C16orf96: variants seen among roughly 807,000 people sequenced by gnomAD.
C16orf96 encodes the protein uncharacterized protein C16orf96.
Under a neutral mutation model 103.6 loss-of-function variants are expected in C16orf96, and 108 were observed. The observed-to-expected ratio is 1.04, with a 90% CI of 0.89 to 1.22. The LOEUF (loss-of-function observed/expected upper bound fraction) is 1.22. Ranked by LOEUF, C16orf96 falls within the 50% of genes most tolerant of loss-of-function variation. The probability of loss-of-function intolerance (pLI) is 0.00; values close to 1 mark genes in which losing one functional copy is unlikely to be tolerated. For synonymous variants in C16orf96, 566 were observed against 593.5 expected, an observed-to-expected ratio of 0.95 and a Z score of 0.67; for missense variants, 1,586 against 1,464.2, an observed-to-expected ratio of 1.08 and a Z score of -1.36.
intron 6 of C16orf96, among the ~76,000 whole-genome samples, chr16:4,579,636 G>A (rs904044947): frequency 2.1e-5 from 3 of 141,348 alleles, no homozygotes; most frequent in Non-Finnish European, 3.0e-5. Context: ...TTTTGAGACG[G>A]AATCTTGCTC....
chr16:4,582,504 C>T (rs557792626), intron 7 of C16orf96, among the ~76,000 whole-genome samples: 19 of 152,162 alleles, frequency 1.2e-4, no homozygotes, highest in African/African-American at 2.2e-4. Flanking sequence ...TGGAAAATAA[C>T]TCATTAAAGG....
chr16:4,595,013 G>T lies in C16orf96; in HGVS notation c.3127+210G>T, dbSNP rs111392673. ...GAGACCGCGGGAGCGAGGATCTGCT[G>T]TTCCCGAGATCAACAGCTGACCAGA... is the stretch of plus-strand genomic sequence containing the variant. On this transcript the variant is annotated intron_variant, in intron 14 of 15. Coordinates refer to ENST00000444310, the MANE Select transcript of C16orf96 (RefSeq NM_001145011.2). Among the ~76,000 whole-genome samples the T allele has an allele frequency of 8.5e-3, 1,292 of 152,330 alleles. 14 individuals carry two copies. Among genetic ancestry groups the T allele is most frequent in the Admixed American group, 0.017 (263 of 15,296 alleles).
the C16orf96 span, among the ~76,000 whole-genome samples, chr16:4,547,689 C>CTTCCTTCCTTCCTTCTTTCTTTCT: frequency 1.8e-3 from 40 of 22,550 alleles, no homozygotes; most frequent in African/African-American, 3.9e-3. Context: ...TCCTTCCTTC[C>CTTCCTTCCTTCCTTCTTTCTTTCT]TTCTTTCTTT....
intron 7 of C16orf96, among the ~76,000 whole-genome samples, chr16:4,581,973 C>T (rs1490624786): frequency 6.6e-6 from 1 of 151,446 alleles, no homozygotes. Context: ...AGCAAAGAAA[C>T]AAGCAAAAAG....
At chr16:4,571,520 C>A in intron 1 of C16orf96, 41 bp from the exon 2 acceptor site, 6 of 1,513,514 alleles carry the variant, frequency 4.0e-6, no homozygotes, top group Non-Finnish European at 5.4e-6. Flanking sequence ...CCTTCTCCCC[C>A]AGCCATACCC....
In C16orf96 at chr16:4,575,662, T is replaced by C. The variant is rs796318609; in HGVS notation, c.1182T>C (p.Pro394=). 7 of 1,535,724 alleles carry C rather than the reference T, an allele frequency of 4.6e-6. No individual in the cohort carries two copies. The highest frequency in any genetic ancestry group is 2.4e-5 in the South Asian group (2 of 81,760). Residue 394 remains proline, a synonymous_variant, in exon 5 of 16, where the codon CCT becomes CCC. Coordinates refer to ENST00000444310, the MANE Select transcript of C16orf96 (RefSeq NM_001145011.2). ...GDWPALPRRW[P]LPQGWPRVGS... ...GGCCTGCACTCCCAAGACGCTGGCC[T>C]CTTCCCCAAGGCTGGCCCAGGGTGG...
upstream of C16orf96, among the ~76,000 whole-genome samples, chr16:4,555,687 T>C (rs1465878264): frequency 6.7e-6 from 1 of 150,008 alleles, no homozygotes; most frequent in Non-Finnish European, 1.5e-5. Flanking sequence ...CTTTTCTTTT[T>C]CTTTTCTTTT....
chr16:4,596,554 C>T (rs1338733964), intron 14 of C16orf96, among the ~76,000 whole-genome samples: 1 of 150,960 alleles, frequency 6.6e-6, no homozygotes, highest in Non-Finnish European at 1.5e-5. Context: ...TGGTGGCGTG[C>T]GCCTGTAGTC....
intron 12 of C16orf96, 54 bp from the exon 13 acceptor site, chr16:4,594,297 G>T: frequency 6.5e-7 from 1 of 1,533,892 alleles, no homozygotes; most frequent in Middle Eastern, 2.0e-4. Context: ...GGCCCGTCCT[G>T]GGCTCTGGGG....
At chr16:4,592,517 C>T (rs1017232635) in intron 11 of C16orf96, 150 bp downstream of exon 11, 35 of 889,400 alleles carry the variant, frequency 3.9e-5, no homozygotes, top group African/African-American at 2.3e-4. Flanking sequence ...AGTCCATACA[C>T]GCCCACATGC....
chr16:4,542,857 G>C, the C16orf96 span, among the ~76,000 whole-genome samples: 2 of 152,154 alleles, frequency 1.3e-5, no homozygotes, highest in Non-Finnish European at 2.9e-5. Context: ...GAAATGCAGT[G>C]TGTACTTTAT....
Position 4,590,656 on chromosome 16 carries a change from G to A in C16orf96, c.2593-1010G>A, listed in dbSNP as rs979487947. ...TCCCAGCACTTTGGGAGGCTGAGGC[G>A]GGCAGATCATGAAGTCAGGAGTTTG... is the stretch of plus-strand genomic sequence containing the variant. On this transcript the variant is annotated intron_variant, in intron 9 of 15. Coordinates refer to ENST00000444310, the MANE Select transcript of C16orf96 (RefSeq NM_001145011.2). Among the ~76,000 whole-genome samples, 34 of 151,480 alleles carry A rather than the reference G, an allele frequency of 2.2e-4. 2 individuals are homozygous for A. The highest frequency in any genetic ancestry group is 8.0e-4 in the African/African-American group (33 of 41,270).
At chr16:4,542,758 T>C in the C16orf96 span, among the ~76,000 whole-genome samples, 1 of 152,174 alleles carries the variant, frequency 6.6e-6, no homozygotes. Context: ...GATCACACCA[T>C]TGCACTCCAG....
chr16:4,594,178 CTG>C (rs2141762148), intron 12 of C16orf96, among the ~76,000 whole-genome samples, 171 bp from the exon 13 acceptor site: 1 of 152,346 alleles, frequency 6.6e-6, no homozygotes, highest in East Asian at 1.9e-4. Flanking sequence ...CTCTGCCCCA[CTG>C]TGTGTGTCTG....
At chr16:4,563,985 C>A (rs929433087) in intron 1 of C16orf96, among the ~76,000 whole-genome samples, 2 of 151,122 alleles carry the variant, frequency 1.3e-5, no homozygotes, top group Non-Finnish European at 2.9e-5. Flanking sequence ...ATCACCTGAG[C>A]TCAGGAGTTC....
intron 1 of C16orf96, chr16:4,560,626 G>A (rs1182067122): frequency 6.6e-6 from 1 of 151,992 alleles, no homozygotes; most frequent in Admixed American, 6.6e-5. Flanking sequence ...ACTATATGAG[G>A]TTTGCAAGAG....
intron 7 of C16orf96, among the ~76,000 whole-genome samples, chr16:4,580,503 A>G (rs564310218): frequency 6.6e-6 from 1 of 152,208 alleles, no homozygotes; most frequent in East Asian, 1.9e-4. Context: ...AGGTAGAAAT[A>G]TTTACTGACA....
chr16:4,563,865 G>C (rs545129626), intron 1 of C16orf96, among the ~76,000 whole-genome samples: 1 of 150,992 alleles, frequency 6.6e-6, no homozygotes. Context: ...CACTGTGCCC[G>C]GCCTCTGTTG....
intron 7 of C16orf96, among the ~76,000 whole-genome samples, chr16:4,585,042 G>C (rs776887699): frequency 6.6e-6 from 1 of 152,166 alleles, no homozygotes; most frequent in Non-Finnish European, 1.5e-5. Flanking sequence ...AGCTACTGGG[G>C]AAGCAGAGGT....
Sources: gnomAD v4.1 joint callset for allele counts (sites outside exome capture counted in the v4.1 genomes callset) on GRCh38, gnomAD v4.1.1 for gene constraint, MANE v1.5 for transcripts, NCBI Gene and HGNC (gene_info 2026-07-23, HGNC 2026-07-21) for gene names.